Variants in PPP6C observed in about 807,000 individuals in gnomAD.
The protein encoded by PPP6C is protein phosphatase 6 catalytic subunit.
PPP6C carries 11 observed loss-of-function variants against 39.8 expected under a neutral mutation model. The observed-to-expected ratio is 0.28, with a 90% confidence interval of 0.17 to 0.46. The LOEUF (loss-of-function observed/expected upper bound fraction) is 0.46, where lower values mean the gene tolerates loss of function less well. Ranked by LOEUF, PPP6C falls within the 20% of genes least tolerant of loss-of-function variation. The pLI is 1.00. For missense variants in PPP6C, 211 were observed against 373.9 expected (o/e 0.56, Z 3.59); for synonymous variants, 129 against 130.3 (o/e 0.99, Z 0.07).
intron 4 of PPP6C, among the ~76,000 whole-genome samples, chr9:125,157,927 G>A (rs536735853): frequency 6.6e-6 from 1 of 151,978 alleles, no homozygotes; most frequent in South Asian, 2.1e-4. Flanking sequence ...CTGATCTTGT[G>A]ATCCGCCTGC....
chr9:125,174,254 C>CT (rs1171582698), intron 1 of PPP6C, among the ~76,000 whole-genome samples: 8 of 152,234 alleles, frequency 5.3e-5, no homozygotes, highest in African/African-American at 1.9e-4. Flanking sequence ...ATGAGAAACA[C>CT]TTTAACAGTT....
At chr9:125,158,853 C>T (rs999847557) in intron 3 of PPP6C, among the ~76,000 whole-genome samples, 2 of 151,268 alleles carry the variant, frequency 1.3e-5, no homozygotes, top group African/African-American at 4.9e-5. Flanking sequence ...TTTGTAGAGA[C>T]GGGGGTTTCA....
rs182340144 is a variant in PPP6C, at chr9:125,148,307, A to G, written c.*1366T>C. On this transcript the variant is annotated 3_prime_UTR_variant, in exon 7 of 7. Coordinates refer to ENST00000373547, the MANE Select transcript of PPP6C (RefSeq NM_002721.5). ...TTTCCTGGAATAACAAAAATTAATC[A>G]TAGTAAAGGGATACCAACTATTTCA... 2.4e-4 allele frequency: 37 copies of G among 152,336 alleles called. No individual in the cohort carries two copies. Among genetic ancestry groups the G allele is most frequent in the Admixed American group, 2.4e-3 (36 of 15,304 alleles). 9.4% of individuals were successfully genotyped at this position (152,336 alleles called of 1,614,324 possible). A position where few individuals can be genotyped will look rare whatever the true frequency, so the allele number is the denominator to read the frequency against.
In PPP6C at chr9:125,149,954, C is replaced by T. The variant is rs766302641; in HGVS notation, c.670-33G>A. The T allele has an allele frequency of 1.3e-5, 20 of 1,597,304 alleles. No individual in the cohort carries two copies. In the South Asian group the frequency reaches 2.2e-4, roughly 18 times the overall value. On this transcript the variant is annotated intron_variant, in intron 6 of 6. Transcript: ENST00000373547. ...TTAGAAAGGCACTGTAAGTACTTAG[C>T]ACTTAAAAAACAATCGGCCTACATA...
chr9:125,162,523 C>T (rs1368153697), intron 2 of PPP6C, among the ~76,000 whole-genome samples: 3 of 149,872 alleles, frequency 2.0e-5, no homozygotes, highest in Non-Finnish European at 4.4e-5. Flanking sequence ...CTTGTAATCC[C>T]AGCATTGTGG....
rs533960148 is a variant in PPP6C, at chr9:125,148,855, T to A, written c.*818A>T. The A allele has an allele frequency of 6.6e-5, 10 of 152,272 alleles. No homozygotes were observed. The highest frequency in any genetic ancestry group is 5.8e-4 in the East Asian group (3 of 5,190). The allele number at this position is 152,272 out of a possible 1,614,324, so 9.4% of individuals were successfully genotyped here. A position where few individuals can be genotyped will look rare whatever the true frequency, so the allele number is the denominator to read the frequency against. On this transcript the variant is annotated 3_prime_UTR_variant, in exon 7 of 7. Transcript: ENST00000373547. ...TTTAGGCACAGTTTAGTGATTTTTT[T>A]CAAAAATAAATACTATTGAATTTCA...
chr9:125,151,158 TG>T, intron 6 of PPP6C: 1 of 1,448,732 alleles, frequency 6.9e-7, no homozygotes, highest in Non-Finnish European at 9.7e-7. Context: ...CATCTGATGC[TG>T]GTGGAGCTAA....
intron 6 of PPP6C, chr9:125,150,973 C>T (rs1835922380): frequency 7.6e-7 from 1 of 1,318,984 alleles, no homozygotes; most frequent in South Asian, 1.2e-5. Context: ...CTCAGCCAAG[C>T]TTGTTGCAAA....
chr9:125,180,643 A>T (rs536944637), intron 1 of PPP6C, among the ~76,000 whole-genome samples: 1 of 151,890 alleles, frequency 6.6e-6, no homozygotes, highest in East Asian at 1.9e-4. Flanking sequence ...CTGGTCTCAA[A>T]CTCCTGACCT....
At chr9:125,171,039 G>C in intron 2 of PPP6C, 46 bp downstream of exon 2, 7 of 1,307,438 alleles carry the variant, frequency 5.4e-6, no homozygotes, top group Non-Finnish European at 7.4e-6. Context: ...AACACACATG[G>C]ATCATGGACA....
chr9:125,189,556 G>A (rs1275753191), intron 1 of PPP6C, 88 bp downstream of exon 1: 1 of 1,591,654 alleles, frequency 6.3e-7, no homozygotes, highest in Admixed American at 1.8e-5. Flanking sequence ...CGACTGGACT[G>A]GATACCCGGC....
intron 1 of PPP6C, among the ~76,000 whole-genome samples, chr9:125,189,178 A>T (rs1019041956): frequency 1.3e-5 from 2 of 152,066 alleles, no homozygotes; most frequent in South Asian, 2.1e-4. Flanking sequence ...TTCCTCAGAG[A>T]CCTAAACACA....
chr9:125,183,870 T>C (rs1829468473), intron 1 of PPP6C, among the ~76,000 whole-genome samples: 1 of 152,148 alleles, frequency 6.6e-6, no homozygotes. Context: ...TTACCTCCCT[T>C]ACTATATTGA....
intron 1 of PPP6C, among the ~76,000 whole-genome samples, chr9:125,177,388 A>C (rs1829324788): frequency 6.6e-6 from 1 of 150,586 alleles, no homozygotes; most frequent in African/African-American, 2.5e-5. Context: ...AAACAAACAA[A>C]AAAAATCTTA....
At chr9:125,171,874 T>C in intron 1 of PPP6C, 1 of 459,826 alleles carries the variant, frequency 2.2e-6, no homozygotes, top group Non-Finnish European at 4.4e-6. Flanking sequence ...TTTTATCTGG[T>C]AATTTAAAAA....
At chr9:125,186,338 A>AAG (rs1829530249) in intron 1 of PPP6C, among the ~76,000 whole-genome samples, 1 of 152,110 alleles carries the variant, frequency 6.6e-6, no homozygotes, top group African/African-American at 2.4e-5. Flanking sequence ...GCAACACAAC[A>AAG]AATTAATCTG....
intron 1 of PPP6C, among the ~76,000 whole-genome samples, chr9:125,172,822 G>C (rs1411773939): frequency 6.6e-6 from 1 of 151,934 alleles, no homozygotes; most frequent in Non-Finnish European, 1.5e-5. Flanking sequence ...ATGATCTTGG[G>C]TTGTACCTAA....
At chr9:125,171,049 A>G in intron 2 of PPP6C, 36 bp downstream of exon 2, 1 of 1,380,788 alleles carries the variant, frequency 7.2e-7, no homozygotes. Flanking sequence ...GATCATGGAC[A>G]GTACAAAACT....
intron 6 of PPP6C, among the ~76,000 whole-genome samples, chr9:125,150,421 G>GGTGGGT: frequency 6.7e-6 from 1 of 149,856 alleles, no homozygotes; most frequent in East Asian, 2.0e-4. Flanking sequence ...CAATATAAGG[G>GGTGGGT]GTGTGTGTGT....
Sources: gnomAD v4.1 joint callset for allele counts (sites outside exome capture counted in the v4.1 genomes callset) on GRCh38, gnomAD v4.1.1 for gene constraint, MANE v1.5 for transcripts, NCBI Gene and HGNC (gene_info 2026-07-23, HGNC 2026-07-21) for gene names.